PRDM5: variants seen among roughly 807,000 people sequenced by gnomAD.
The protein encoded by PRDM5 is PR/SET domain 5.
A neutral mutation model predicts 81.2 loss-of-function variants in PRDM5; 56 were observed. That is an observed-to-expected ratio of 0.69 (90% confidence interval 0.56 to 0.86). The LOEUF is 0.86. Ranked by LOEUF, PRDM5 falls within the 40% of genes least tolerant of loss-of-function variation. The pLI is 0.00. For missense variants in PRDM5, 697 were observed against 770.1 expected, an observed-to-expected ratio of 0.91 and a Z score of 1.12; for synonymous variants, 267 against 256.4, an observed-to-expected ratio of 1.04 and a Z score of -0.39.
At chr4:120,794,112 T>C (rs1274067981) in intron 10 of PRDM5, among the ~76,000 whole-genome samples, 2 of 152,162 alleles carry the variant, frequency 1.3e-5, no homozygotes, top group Non-Finnish European at 2.9e-5. Flanking sequence ...ATGTCCCTCA[T>C]AATGTGTGCA....
At chr4:120,904,086 A>T (rs1360155028) in intron 2 of PRDM5, among the ~76,000 whole-genome samples, 1 of 148,702 alleles carries the variant, frequency 6.7e-6, no homozygotes, top group East Asian at 2.0e-4. Flanking sequence ...GCTACTTGGG[A>T]GGCTGAGGCA....
At chr4:120,880,122 A>C (rs566941534) in intron 2 of PRDM5, among the ~76,000 whole-genome samples, 4 of 152,330 alleles carry the variant, frequency 2.6e-5, no homozygotes, top group Admixed American at 2.0e-4. Flanking sequence ...ACGAGGGTAG[A>C]CATGGGAACT....
intron 13 of PRDM5, among the ~76,000 whole-genome samples, chr4:120,758,731 G>C (rs1366990270): frequency 1.3e-5 from 2 of 151,718 alleles, no homozygotes; most frequent in Non-Finnish European, 2.9e-5. Flanking sequence ...TGTTACAACA[G>C]CCCTAACAAA....
chr4:120,701,613 G>A (rs1735381442), intron 15 of PRDM5, among the ~76,000 whole-genome samples: 1 of 152,134 alleles, frequency 6.6e-6, no homozygotes, highest in Non-Finnish European at 1.5e-5. Flanking sequence ...TCTCTTATAA[G>A]TGGGAGCTAA....
chr4:120,792,570 A>G (rs1028739853), intron 10 of PRDM5, among the ~76,000 whole-genome samples: 1 of 152,184 alleles, frequency 6.6e-6, no homozygotes, highest in Non-Finnish European at 1.5e-5. Flanking sequence ...TTCCGGGTAC[A>G]TCTTCAAAGA....
chr4:120,898,137 T>C (rs958601371), intron 2 of PRDM5, among the ~76,000 whole-genome samples: 28 of 152,070 alleles, frequency 1.8e-4, no homozygotes, highest in African/African-American at 6.8e-4. Flanking sequence ...GGGAGTGAGG[T>C]GATTCACAGC....
intron 2 of PRDM5, among the ~76,000 whole-genome samples, chr4:120,858,516 T>A (rs1236550132): frequency 2.6e-5 from 4 of 152,154 alleles, no homozygotes; most frequent in African/African-American, 9.7e-5. Context: ...CCCCCACTGA[T>A]TGTTCAAAGG....
rs1327765391 is a variant in PRDM5, at chr4:120,752,545, G to A, written c.1623+2008C>T. On this transcript the variant is annotated intron_variant, in intron 14 of 15. Transcript: ENST00000264808. ...ACCATCTGCAGCTGAATACTTTGGA[G>A]ACAGTGTTGGGATCCTTAAATCGAG... is the stretch of plus-strand genomic sequence containing the variant. 1.2e-4 allele frequency among the ~76,000 whole-genome samples: 19 copies of A among 152,266 alleles called. 1 individual carries two copies. Among genetic ancestry groups the A allele is most frequent in the Admixed American group, 1.1e-3 (17 of 15,294 alleles).
chr4:120,711,362 G>A lies in PRDM5; in HGVS notation c.1624-949C>T, dbSNP rs533206477. Among the ~76,000 whole-genome samples the A allele has an allele frequency of 9.9e-5, 15 of 152,126 alleles. No homozygotes were observed. In the East Asian group the frequency reaches 2.3e-3, roughly 23 times the overall value. ...CACCTAGGCTGGAGTGCAGTGGCAC[G>A]ACCTTGGCTCACTGCAACCTCTGCC... On this transcript the variant is annotated intron_variant, in intron 14 of 15. Transcript: ENST00000264808.
rs532663515 is a variant in PRDM5 at position 120,820,588 on chromosome 4, C to T, written c.475+583G>A. Among the ~76,000 whole-genome samples, 11 of 152,316 alleles carry T rather than the reference C, an allele frequency of 7.2e-5. No individual in the cohort carries two copies. The South Asian group carries it at 8.3e-4, about 11-fold the overall frequency. Reference sequence around the variant, plus strand: ...TATTGACTGAGGAAGGTCTGACCTACGGTCACTGAAAGTTTTTGGTAACCA... The same window carrying T: ...TATTGACTGAGGAAGGTCTGACCTATGGTCACTGAAAGTTTTTGGTAACCA... On this transcript the variant is annotated intron_variant, in intron 4 of 15. Coordinates refer to ENST00000264808, the MANE Select transcript of PRDM5 (RefSeq NM_018699.4).
intron 14 of PRDM5, among the ~76,000 whole-genome samples, chr4:120,714,443 G>C (rs71600499): frequency 0.22 from 33,315 of 151,770 alleles, 3,901 homozygotes; most frequent in Non-Finnish European, 0.28. Flanking sequence ...TGGGACCCTA[G>C]GGCTTTTAAT....
chr4:120,763,416 T>C (rs6814313), intron 13 of PRDM5, among the ~76,000 whole-genome samples: 4,983 of 152,262 alleles, frequency 0.033, 273 homozygotes, highest in African/African-American at 0.11. Context: ...CCTCATTACA[T>C]GTGACTTGTC....
At chr4:120,813,063 TAAGA>T (rs1754056805) in intron 7 of PRDM5, 1 of 154,110 alleles carries the variant, frequency 6.5e-6, no homozygotes, top group Non-Finnish European at 1.4e-5. Flanking sequence ...AAGTTAACAT[TAAGA>T]AATAAAGTAC....
At chr4:120,729,188 G>T (rs924393427) in intron 14 of PRDM5, among the ~76,000 whole-genome samples, 66 of 152,114 alleles carry the variant, frequency 4.3e-4, no homozygotes, top group Non-Finnish European at 1.2e-4. Flanking sequence ...AACTGAAAAT[G>T]ATACCATGTT....
At chr4:120,707,220 G>T (rs2149018638) in intron 15 of PRDM5, among the ~76,000 whole-genome samples, 1 of 151,984 alleles carries the variant, frequency 6.6e-6, no homozygotes, top group Admixed American at 6.6e-5. Context: ...CATATTAAAA[G>T]GGTTCTAAAT....
chr4:120,848,409 T>A (rs540136704), intron 3 of PRDM5, among the ~76,000 whole-genome samples: 2 of 152,158 alleles, frequency 1.3e-5, no homozygotes, highest in Non-Finnish European at 1.5e-5. Flanking sequence ...TGAAGACATA[T>A]AATCTGGATT....
chr4:120,858,285 C>T (rs1194586640), intron 2 of PRDM5, among the ~76,000 whole-genome samples: 1 of 152,134 alleles, frequency 6.6e-6, no homozygotes, highest in Non-Finnish European at 1.5e-5. Flanking sequence ...TTGTTTTTAA[C>T]TAAAGTAAGG....
chr4:120,771,158 C>CTATA (rs1215489382), intron 13 of PRDM5, among the ~76,000 whole-genome samples: 1 of 151,742 alleles, frequency 6.6e-6, no homozygotes, highest in Non-Finnish European at 1.5e-5. Context: ...AATTTTTTGC[C>CTATA]ATTATAAACA....
intron 2 of PRDM5, among the ~76,000 whole-genome samples, chr4:120,869,059 A>G (rs993008145): frequency 6.6e-6 from 1 of 152,212 alleles, no homozygotes; most frequent in African/African-American, 2.4e-5. Flanking sequence ...ATATACATAT[A>G]TATGTTTCCA....
Sources: gnomAD v4.1 joint callset for allele counts (sites outside exome capture counted in the v4.1 genomes callset) on GRCh38, gnomAD v4.1.1 for gene constraint, MANE v1.5 for transcripts, NCBI Gene and HGNC (gene_info 2026-07-23, HGNC 2026-07-21) for gene names.